Variants in NUP43 observed in about 807,000 individuals in gnomAD.
NUP43 encodes nucleoporin 43, also known as nucleoporin Nup43.
A neutral mutation model predicts 47.3 loss-of-function variants in NUP43; 32 were observed. The observed-to-expected ratio is 0.68, with a 90% CI of 0.51 to 0.91. NUP43 has a LOEUF of 0.91. NUP43 is among the 40% of genes least tolerant of loss of function. NUP43 has a pLI of 0.00. For missense variants in NUP43, 444 were observed against 453.9 expected (o/e 0.98, Z 0.20); for synonymous variants, 147 against 158.4 (o/e 0.93, Z 0.54).
Position 149,746,222 on chromosome 6 carries a change from C to T in NUP43, c.120+154G>A, listed in dbSNP as rs576719811. The T allele has an allele frequency of 2.2e-5, 30 of 1,339,740 alleles. No homozygotes were observed. In the African/African-American group the frequency reaches 3.0e-4, roughly 14 times the overall value. The allele number at this position is 1,339,740 out of a possible 1,614,324, so 83.0% of individuals were successfully genotyped here. A position where few individuals can be genotyped will look rare whatever the true frequency, so the allele number is the denominator to read the frequency against. ...AGGCTCAGGCATGCCATCACCGGCT[C>T]TGAGCTACGGAGCAACCGCGCCTGA... On this transcript the variant is annotated intron_variant, in intron 1 of 7. Transcript: ENST00000340413.
chr6:149,746,160 C>A (rs1463295405), intron 1 of NUP43, 98 bp from the exon 2 acceptor site: 5 of 1,416,916 alleles, frequency 3.5e-6, no homozygotes, highest in Non-Finnish European at 4.9e-6. Context: ...CAAAACATCT[C>A]AAATGGTATG....
intron 5 of NUP43, 73 bp downstream of exon 5, chr6:149,738,570 A>C (rs1256712123): frequency 8.7e-7 from 1 of 1,150,906 alleles, no homozygotes; most frequent in Non-Finnish European, 1.2e-6. Flanking sequence ...ATATGGCTTA[A>C]AGCCAGTAGC....
intron 4 of NUP43, among the ~76,000 whole-genome samples, chr6:149,739,931 A>G (rs1461230354): frequency 3.3e-5 from 5 of 152,062 alleles, no homozygotes; most frequent in Non-Finnish European, 7.4e-5. Flanking sequence ...CATATACTTT[A>G]TGGACTTTAG....
intron 6 of NUP43, among the ~76,000 whole-genome samples, chr6:149,736,043 C>G (rs868677477): frequency 6.7e-6 from 1 of 149,488 alleles, no homozygotes; most frequent in Non-Finnish European, 1.5e-5. Flanking sequence ...TTTAGGAGGC[C>G]GAGCTGGGCA....
At position 149,725,596 on chromosome 6, in the gene NUP43, T is replaced by A. The variant is rs922269248; in HGVS notation, c.*1373A>T. 6 of 152,014 alleles carry A rather than the reference T, an allele frequency of 3.9e-5. No individual in the cohort carries two copies. Among genetic ancestry groups the A allele is most frequent in the Non-Finnish European group, 8.8e-5 (6 of 68,018 alleles). The allele number at this position is 152,014 out of a possible 1,614,324, so 9.4% of individuals were successfully genotyped here. On this transcript the variant is annotated 3_prime_UTR_variant, in exon 8 of 8. Coordinates refer to ENST00000340413, the MANE Select transcript of NUP43 (RefSeq NM_198887.3). ...AAGAGCAAAACTCCATCTCAAAAAA[T>A]ATATATATTTATTAGGACAGAAAAG...
intron 4 of NUP43, among the ~76,000 whole-genome samples, chr6:149,742,088 G>A (rs1456840689): frequency 6.6e-6 from 1 of 151,144 alleles, no homozygotes; most frequent in Non-Finnish European, 1.5e-5. Context: ...GTGCAATGGT[G>A]CGATCTCTGC....
rs1562380232 is a variant in NUP43, at chr6:149,738,671, C to T, written c.610G>A (p.Gly204Arg). The T allele has an allele frequency of 3.2e-6, 5 of 1,584,150 alleles. No individual in the cohort carries two copies. Among genetic ancestry groups the T allele is most frequent in the Non-Finnish European group, 4.3e-6 (5 of 1,169,260 alleles). ...QLKIWDFRQQ[G>R]NEPSQILSLT... is the part of the protein sequence containing the mutation. ...GACAATATCTGAGAAGGCTCATTTC[C>T]TTGTTGTCTGAAATCCCATATTTTC... is the stretch of plus-strand genomic sequence containing the variant. Residue 204 changes from glycine to arginine, a missense_variant, in exon 5 of 8, where the codon GGA becomes AGA. Gly to Arg is a moderately radical substitution (Grantham distance 125, BLOSUM62 -2). Coordinates refer to ENST00000340413, the MANE Select transcript of NUP43 (RefSeq NM_198887.3).
chr6:149,745,126 C>T (rs1323583952), intron 2 of NUP43, among the ~76,000 whole-genome samples: 4 of 151,710 alleles, frequency 2.6e-5, no homozygotes, highest in African/African-American at 9.7e-5. Flanking sequence ...TTCGGCCGGG[C>T]GCCATGGCTC....
intron 6 of NUP43, 40 bp downstream of exon 6, chr6:149,736,431 C>T: frequency 1.3e-6 from 2 of 1,486,048 alleles, no homozygotes; most frequent in Non-Finnish European, 1.8e-6. Context: ...TGTCATATAA[C>T]TCACCCAATA....
chr6:149,737,355 A>C (rs1785422482), intron 5 of NUP43, among the ~76,000 whole-genome samples: 1 of 151,600 alleles, frequency 6.6e-6, no homozygotes, highest in South Asian at 2.1e-4. Context: ...GCCTATCTAC[A>C]GCTTGCTGCA....
upstream of NUP43, among the ~76,000 whole-genome samples, chr6:149,747,794 T>C (rs1456484135): frequency 6.6e-6 from 1 of 152,232 alleles, no homozygotes; most frequent in Non-Finnish European, 1.5e-5. Flanking sequence ...GTTGTTTTTA[T>C]GTGATATTGG....
chr6:149,743,705 T>C lies in NUP43; in HGVS notation c.254A>G (p.Gln85Arg), dbSNP rs1785800843. 1 of 1,608,396 alleles carries C rather than the reference T, an allele frequency of 6.2e-7. No homozygotes were observed. The highest frequency in any genetic ancestry group is 8.5e-7 in the Non-Finnish European group (1 of 1,176,308). ...TGATGAAGCAGCGACAATTCTTTCC[T>C]GGTCAAAAAACTAAAGAGAAAATTT... ...GDVMDLQFFD[Q>R]ERIVAASSTG... The change falls in exon 3 of 8, where the codon CAG becomes CGG. Residue 85 changes from glutamine to arginine, a missense_variant. Transcript: ENST00000340413.
At chr6:149,743,324 G>T (rs1047527912) in intron 3 of NUP43, among the ~76,000 whole-genome samples, 7 of 152,022 alleles carry the variant, frequency 4.6e-5, no homozygotes, top group Non-Finnish European at 8.8e-5. Context: ...CTTTGGCTGG[G>T]CGCGGTGGCT....
intron 4 of NUP43, 66 bp downstream of exon 4, chr6:149,742,324 C>A: frequency 6.7e-7 from 1 of 1,493,296 alleles, no homozygotes; most frequent in Non-Finnish European, 9.3e-7. Context: ...CCACACCCAG[C>A]CTAACTTTTG....
At chr6:149,729,345 A>G (rs1423547798) in intron 7 of NUP43, 1 of 162,012 alleles carries the variant, frequency 6.2e-6, no homozygotes, top group Non-Finnish European at 1.3e-5. Flanking sequence ...AGAAGTTGGT[A>G]AACTCCACTT....
At chr6:149,746,602 CG>C, upstream of NUP43, 1 of 1,608,884 alleles carries the variant, frequency 6.2e-7, no homozygotes, top group Non-Finnish European at 8.5e-7. Flanking sequence ...AGGACGGAGA[CG>C]GTGGCTGCAG....
chr6:149,748,179 G>A (rs1786114595), upstream of NUP43, among the ~76,000 whole-genome samples: 1 of 152,140 alleles, frequency 6.6e-6, no homozygotes, highest in Non-Finnish European at 1.5e-5. Flanking sequence ...AGCTGGGCAT[G>A]GTGGTGCGTG....
rs1363374160 is a variant in NUP43, at chr6:149,724,737, C to A, written c.*2232G>T. ...TAGCTGGGATTATAGATGCCTGCCA[C>A]CACGCCCGGTTAATTTTTTTTTTGC... On this transcript the variant is annotated 3_prime_UTR_variant, in exon 8 of 8. Transcript: ENST00000340413. 1 of 152,126 alleles carries A rather than the reference C, an allele frequency of 6.6e-6. No individual in the cohort carries two copies. 9.4% of individuals were successfully genotyped at this position (152,126 alleles called of 1,614,324 possible).
chr6:149,742,603 A>G (rs778190742), intron 3 of NUP43, 33 bp from the exon 4 acceptor site: 5 of 1,561,446 alleles, frequency 3.2e-6, no homozygotes, highest in Non-Finnish European at 4.4e-6. Flanking sequence ...CTATTAAAGC[A>G]AAGTACTAAG....
Sources: gnomAD v4.1 joint callset for allele counts (sites outside exome capture counted in the v4.1 genomes callset) on GRCh38, gnomAD v4.1.1 for gene constraint, MANE v1.5 for transcripts, NCBI Gene and HGNC (gene_info 2026-07-23, HGNC 2026-07-21) for gene names.